The following SCHIP1 variants were observed in gnomAD, a reference collection of about 807,000 sequenced individuals.
SCHIP1 encodes the protein schwannomin-interacting protein 1.
In SCHIP1, 8 loss-of-function variants were observed where a neutral mutation model predicts 29.7. The ratio of observed to expected loss-of-function variants is 0.27; its 90% CI spans 0.16 to 0.49. The LOEUF is 0.49. SCHIP1 is among the 20% of genes least tolerant of loss of function. SCHIP1 has a pLI of 0.99. For missense variants in SCHIP1, 193 were observed against 294.6 expected, an observed-to-expected ratio of 0.66 and a Z score of 2.52; for synonymous variants, 76 against 94.9, an observed-to-expected ratio of 0.80 and a Z score of 1.16.
the SCHIP1 span, among the ~76,000 whole-genome samples, chr3:159,772,152 A>G: frequency 6.6e-6 from 1 of 152,152 alleles, no homozygotes; most frequent in Admixed American, 6.5e-5. Context: ...TTTTGGTGAC[A>G]TCATAACTAC....
At chr3:159,782,963 C>T in the SCHIP1 span, among the ~76,000 whole-genome samples, 1 of 152,168 alleles carries the variant, frequency 6.6e-6, no homozygotes, top group Non-Finnish European at 1.5e-5. Flanking sequence ...GCATGTCCAG[C>T]AAAGAGACTG....
the SCHIP1 span, among the ~76,000 whole-genome samples, chr3:159,746,307 C>G: frequency 6.6e-6 from 1 of 152,114 alleles, no homozygotes; most frequent in Non-Finnish European, 1.5e-5. Context: ...AGAAGTTTAG[C>G]ACTTGCTTTT....
chr3:159,833,409 T>C, the SCHIP1 span, among the ~76,000 whole-genome samples: 2,055 of 152,308 alleles, frequency 0.013, 40 homozygotes, highest in African/African-American at 0.047. Context: ...TCTGGTTCTT[T>C]CTCTTATGCC....
Position 159,865,043 on chromosome 3 carries a change from C to T in SCHIP1, c.31-1120C>T, listed in dbSNP as rs566747657. Among the ~76,000 whole-genome samples the T allele has an allele frequency of 1.4e-4, 22 of 152,274 alleles. No individual in the cohort carries two copies. In the East Asian group the frequency reaches 3.5e-3, roughly 24 times the overall value. ...CAGTGCGCCCTTCCCACAGGCTATG[C>T]ATTTTTGTCATTGTGACACAGTGAT... is the stretch of plus-strand genomic sequence containing the variant. On this transcript the variant is annotated intron_variant, in intron 1 of 6. Transcript: ENST00000445224.
chr3:159,674,469 G>C, the SCHIP1 span, among the ~76,000 whole-genome samples: 1 of 152,086 alleles, frequency 6.6e-6, no homozygotes, highest in East Asian at 1.9e-4. Flanking sequence ...AGGTGAACTA[G>C]ATACAACAAC....
the SCHIP1 span, among the ~76,000 whole-genome samples, chr3:159,533,492 C>T: frequency 1.3e-5 from 2 of 152,100 alleles, no homozygotes; most frequent in Non-Finnish European, 2.9e-5. Flanking sequence ...TTTTTTCTCA[C>T]AGCAACCAAT....
At chr3:159,817,446 C>T in the SCHIP1 span, among the ~76,000 whole-genome samples, 548 of 152,294 alleles carry the variant, frequency 3.6e-3, 3 homozygotes, top group African/African-American at 0.013. Context: ...AAGAGAACCA[C>T]TTAGAGTGCT....
chr3:159,611,538 G>C, the SCHIP1 span, among the ~76,000 whole-genome samples: 191 of 144,010 alleles, frequency 1.3e-3, no homozygotes, highest in African/African-American at 4.7e-3. Context: ...GGGGGGTGGG[G>C]GGGAAGGGGA....
chr3:159,333,826 A>G, the SCHIP1 span, among the ~76,000 whole-genome samples: 1 of 88,670 alleles, frequency 1.1e-5, no homozygotes, highest in African/African-American at 5.3e-5. Context: ...AGTACTAACA[A>G]ACATTCATGT....
At chr3:159,711,354 C>A in the SCHIP1 span, among the ~76,000 whole-genome samples, 1 of 37,726 alleles carries the variant, frequency 2.7e-5, no homozygotes, top group Non-Finnish European at 3.7e-5. Context: ...GAGCGAGACT[C>A]CGTCTCAAAA....
intron 2 of SCHIP1, among the ~76,000 whole-genome samples, chr3:159,869,254 T>C (rs1474553814): frequency 6.6e-6 from 1 of 152,040 alleles, no homozygotes; most frequent in African/African-American, 2.4e-5. Flanking sequence ...GTTGATTTTA[T>C]ACTGAATTTT....
chr3:159,872,878 C>G (rs1715425355), intron 2 of SCHIP1, among the ~76,000 whole-genome samples: 1 of 152,200 alleles, frequency 6.6e-6, no homozygotes, highest in Non-Finnish European at 1.5e-5. Flanking sequence ...GCATCACTAT[C>G]CCTGAAATTC....
At chr3:159,626,104 A>ATC in the SCHIP1 span, among the ~76,000 whole-genome samples, 132 of 112,952 alleles carry the variant, frequency 1.2e-3, 11 homozygotes, top group African/African-American at 6.4e-3. Context: ...ATAGATAGAT[A>ATC]GATAGATAGA....
chr3:159,641,862 T>G, the SCHIP1 span, among the ~76,000 whole-genome samples: 1 of 152,150 alleles, frequency 6.6e-6, no homozygotes, highest in Admixed American at 6.6e-5. Flanking sequence ...AAGTCCACAT[T>G]AAAGCAGAAG....
the SCHIP1 span, among the ~76,000 whole-genome samples, chr3:159,349,749 G>A: frequency 1.3e-5 from 2 of 151,956 alleles, no homozygotes; most frequent in Non-Finnish European, 1.5e-5. Flanking sequence ...TCACCTCTAG[G>A]GTCTTCGGGT....
the SCHIP1 span, among the ~76,000 whole-genome samples, chr3:159,501,680 T>G: frequency 1.3e-5 from 2 of 152,242 alleles, no homozygotes; most frequent in African/African-American, 4.8e-5. Context: ...CTCAATTTCA[T>G]ACATAGCATT....
At chr3:159,463,508 A>G in the SCHIP1 span, among the ~76,000 whole-genome samples, 1 of 152,258 alleles carries the variant, frequency 6.6e-6, no homozygotes, top group Non-Finnish European at 1.5e-5. Context: ...AAGTGTTCCC[A>G]GGGTCATACC....
chr3:159,369,284 C>T, the SCHIP1 span, among the ~76,000 whole-genome samples: 1 of 152,096 alleles, frequency 6.6e-6, no homozygotes, highest in Non-Finnish European at 1.5e-5. Flanking sequence ...TTATTTAAAA[C>T]CATAAAATCC....
chr3:159,461,076 T>G, the SCHIP1 span, among the ~76,000 whole-genome samples: 1 of 151,450 alleles, frequency 6.6e-6, no homozygotes, highest in Non-Finnish European at 1.5e-5. Flanking sequence ...CACTTCTGAC[T>G]CAGAGACACT....
Sources: gnomAD v4.1 joint callset for allele counts (sites outside exome capture counted in the v4.1 genomes callset) on GRCh38, gnomAD v4.1.1 for gene constraint, MANE v1.5 for transcripts, NCBI Gene and HGNC (gene_info 2026-07-23, HGNC 2026-07-21) for gene names.